Variants in LRP1B observed in about 807,000 individuals in gnomAD.
LRP1B encodes LDL receptor related protein 1B, also known as low-density lipoprotein receptor-related protein 1B.
A neutral mutation model predicts 556.6 loss-of-function variants in LRP1B; 217 were observed. That is an observed-to-expected ratio of 0.39 (90% confidence interval 0.35 to 0.44). LRP1B has a LOEUF of 0.44. LRP1B is among the 20% of genes least tolerant of loss of function. The pLI, the probability that LRP1B is intolerant of heterozygous loss-of-function variation, is 1.00. For synonymous variants in LRP1B, 2,047 were observed against 1,865.8 expected, an observed-to-expected ratio of 1.10 and a Z score of -2.50; for missense variants, 5,053 against 5,620.8, an observed-to-expected ratio of 0.90 and a Z score of 3.23.
intron 32 of LRP1B, among the ~76,000 whole-genome samples, chr2:140,811,665 ACT>A (rs1039115896): frequency 2.6e-5 from 4 of 152,022 alleles, no homozygotes; most frequent in African/African-American, 9.7e-5. Context: ...CAGAATTTAA[ACT>A]CTGCTTATTT....
chr2:141,198,361 C>A (rs1410760353), intron 6 of LRP1B, among the ~76,000 whole-genome samples: 1 of 152,076 alleles, frequency 6.6e-6, no homozygotes, highest in South Asian at 2.1e-4. Flanking sequence ...CATTACAGAG[C>A]CTTTCCTTAT....
chr2:141,702,657 C>T (rs1691983315), intron 2 of LRP1B, among the ~76,000 whole-genome samples: 1 of 151,784 alleles, frequency 6.6e-6, no homozygotes, highest in Middle Eastern at 3.4e-3. Flanking sequence ...TTTTGAAATG[C>T]TCAGAAATGT....
chr2:141,708,696 G>T (rs1183463529), intron 2 of LRP1B, among the ~76,000 whole-genome samples: 2 of 134,894 alleles, frequency 1.5e-5, no homozygotes, highest in Non-Finnish European at 3.2e-5. Context: ...GCATCAGAAT[G>T]TAACTGTTGT....
intron 47 of LRP1B, among the ~76,000 whole-genome samples, chr2:140,532,660 G>T (rs1020910428): frequency 6.6e-6 from 1 of 151,932 alleles, no homozygotes; most frequent in Admixed American, 6.6e-5. Context: ...CTCCCAAAGT[G>T]CTGGGATTAC....
At chr2:141,313,569 CCT>C (rs1398356244) in intron 3 of LRP1B, among the ~76,000 whole-genome samples, 1 of 151,870 alleles carries the variant, frequency 6.6e-6, no homozygotes, top group African/African-American at 2.4e-5. Flanking sequence ...TCTTTTTTTC[CCT>C]CTCTTTTACT....
chr2:141,305,500 T>C (rs567789742), intron 3 of LRP1B, among the ~76,000 whole-genome samples: 5 of 152,296 alleles, frequency 3.3e-5, no homozygotes, highest in African/African-American at 1.2e-4. Flanking sequence ...GTGGAATCTT[T>C]AGTTTTTGTC....
At chr2:141,596,874 A>G in intron 2 of LRP1B, among the ~76,000 whole-genome samples, 1 of 152,056 alleles carries the variant, frequency 6.6e-6, no homozygotes, top group Admixed American at 6.6e-5. Context: ...CCATGTTTTA[A>G]ATGAATCCTA....
chr2:141,160,070 C>G (rs1323085236), intron 7 of LRP1B, among the ~76,000 whole-genome samples: 2 of 151,846 alleles, frequency 1.3e-5, no homozygotes, highest in Non-Finnish European at 2.9e-5. Context: ...ACCTGTGTAA[C>G]AAACCTGCAT....
chr2:140,968,875 T>C (rs547487375), intron 18 of LRP1B, among the ~76,000 whole-genome samples: 127 of 152,352 alleles, frequency 8.3e-4, no homozygotes, highest in African/African-American at 2.9e-3. Flanking sequence ...TCTACTTTGA[T>C]TGCACTGTGG....
At chr2:141,253,115 G>C (rs769636741) in intron 4 of LRP1B, among the ~76,000 whole-genome samples, 7 of 152,100 alleles carry the variant, frequency 4.6e-5, no homozygotes, top group African/African-American at 1.4e-4. Context: ...ATGCAGAATA[G>C]GTATCTAAGC....
intron 1 of LRP1B, among the ~76,000 whole-genome samples, chr2:141,851,327 A>G (rs1697848291): frequency 6.6e-6 from 1 of 151,860 alleles, no homozygotes; most frequent in African/African-American, 2.4e-5. Flanking sequence ...CACCTTGGTG[A>G]CCATCCCCTA....
chr2:140,315,416 CTTTTTT>C (rs1192816278), intron 82 of LRP1B, among the ~76,000 whole-genome samples: 6 of 151,832 alleles, frequency 4.0e-5, no homozygotes, highest in African/African-American at 1.2e-4. Flanking sequence ...CATCTTATTT[CTTTTTT>C]ATTTTACTGA....
At chr2:142,026,855 G>A (rs1436404390) in intron 1 of LRP1B, among the ~76,000 whole-genome samples, 1 of 151,958 alleles carries the variant, frequency 6.6e-6, no homozygotes, top group Non-Finnish European at 1.5e-5. Context: ...GACCAGGAAT[G>A]GGTTATTTTT....
At chr2:140,404,440 G>T (rs35940534) in intron 66 of LRP1B, among the ~76,000 whole-genome samples, 13,305 of 151,858 alleles carry the variant, frequency 0.088, 682 homozygotes, top group Middle Eastern at 0.14. Context: ...CCAATGTGCT[G>T]GGATTGCAGG....
At chr2:141,464,606 A>ATATATATATTTTTTTTTTTTT in intron 3 of LRP1B, among the ~76,000 whole-genome samples, 1 of 90,562 alleles carries the variant, frequency 1.1e-5, no homozygotes, top group Admixed American at 1.2e-4. Flanking sequence ...ATATATATAT[A>ATATATATATTTTTTTTTTTTT]TTTTTTTAGT....
intron 86 of LRP1B, among the ~76,000 whole-genome samples, chr2:140,263,062 C>A (rs1682020802): frequency 6.6e-6 from 1 of 152,032 alleles, no homozygotes; most frequent in Admixed American, 6.6e-5. Context: ...TAGCTAGAAC[C>A]ACAGGCGCAC....
chr2:141,473,004 A>C (rs1682536307), intron 3 of LRP1B, among the ~76,000 whole-genome samples: 1 of 151,064 alleles, frequency 6.6e-6, no homozygotes, highest in Admixed American at 6.6e-5. Flanking sequence ...ACGTAGGGTC[A>C]AATTACTTAG....
At chr2:140,456,319 A>G (rs577647116) in intron 62 of LRP1B, 136 bp downstream of exon 62, 34 of 759,318 alleles carry the variant, frequency 4.5e-5, no homozygotes, top group Admixed American at 2.4e-4. Flanking sequence ...TCCCATTTTA[A>G]TGAGATGTTA....
chr2:140,387,149 C>T (rs1456686273), intron 66 of LRP1B, among the ~76,000 whole-genome samples: 1 of 152,118 alleles, frequency 6.6e-6, no homozygotes, highest in Non-Finnish European at 1.5e-5. Context: ...CCTTATCAGC[C>T]ATACTAGAGA....
Sources: allele counts gnomAD v4.1 joint callset (sites outside exome capture counted in the v4.1 genomes callset), GRCh38; gene constraint gnomAD v4.1.1; transcripts MANE v1.5; gene names NCBI Gene and HGNC (gene_info 2026-07-23, HGNC 2026-07-21).